The following THSD4 variants were observed in gnomAD, a reference collection of about 807,000 sequenced individuals.
THSD4 encodes the protein thrombospondin type-1 domain-containing protein 4.
Under a neutral mutation model 119.0 loss-of-function variants are expected in THSD4, and 69 were observed. The observed-to-expected ratio is 0.58, with a 90% CI of 0.48 to 0.71. The LOEUF is 0.71. Among genes scored for constraint, THSD4 ranks in the 30% least tolerant of loss-of-function variants. The probability of loss-of-function intolerance (pLI) is 0.00; values close to 1 mark genes in which losing one functional copy is unlikely to be tolerated. For synonymous variants in THSD4, 524 were observed against 540.4 expected (o/e 0.97, Z 0.42); for missense variants, 1,393 against 1,391.1 (o/e 1.00, Z -0.02).
intron 6 of THSD4, among the ~76,000 whole-genome samples, chr15:71,300,422 G>A (rs1055744185): frequency 4.6e-5 from 7 of 152,132 alleles, no homozygotes; most frequent in South Asian, 4.1e-4. Flanking sequence ...TTTTCTTAAC[G>A]TTCAGGGGCT....
rs569468839 is a variant in THSD4 at position 71,390,931 on chromosome 15, C to T, written c.1016-20756C>T. 2.2e-3 allele frequency among the ~76,000 whole-genome samples: 303 copies of T among 138,172 alleles called. 4 individuals carry two copies. Among genetic ancestry groups the T allele is most frequent in the African/African-American group, 7.7e-3 (282 of 36,514 alleles). 90.6% of individuals were successfully genotyped at this position (138,172 alleles called of 152,430 possible). A position where few individuals can be genotyped will look rare whatever the true frequency, so the allele number is the denominator to read the frequency against. On this transcript the variant is annotated intron_variant, in intron 6 of 17. Transcript: ENST00000261862. ...CTGGAGTGCAGTGACACGATCATAGCTCACTGCACCCTTGAACTCCTGATG... is the reference window on the plus strand; with the variant it reads ...CTGGAGTGCAGTGACACGATCATAGTTCACTGCACCCTTGAACTCCTGATG...
At chr15:71,268,464 C>T (rs1335790780) in intron 6 of THSD4, among the ~76,000 whole-genome samples, 1 of 152,010 alleles carries the variant, frequency 6.6e-6, no homozygotes, top group Admixed American at 6.6e-5. Flanking sequence ...GCAGTGTTGA[C>T]AGGGAAATTT....
intron 6 of THSD4, among the ~76,000 whole-genome samples, chr15:71,337,608 C>T (rs961221136): frequency 3.9e-5 from 6 of 152,166 alleles, no homozygotes; most frequent in African/African-American, 1.2e-4. Flanking sequence ...CATTCTGGCC[C>T]GCAGGTCATT....
intron 8 of THSD4, among the ~76,000 whole-genome samples, chr15:71,663,957 T>G (rs945554913): frequency 1.3e-5 from 2 of 152,136 alleles, no homozygotes; most frequent in African/African-American, 4.8e-5. Flanking sequence ...ATACTTCACA[T>G]TTGTATCATT....
intron 7 of THSD4, among the ~76,000 whole-genome samples, chr15:71,595,548 G>A (rs2049892315): frequency 6.6e-6 from 1 of 152,072 alleles, no homozygotes; most frequent in African/African-American, 2.4e-5. Context: ...ACCTCTTTTT[G>A]TTCCCAGTTT....
intron 7 of THSD4, among the ~76,000 whole-genome samples, chr15:71,611,788 G>C (rs1595786651): frequency 2.6e-5 from 4 of 152,334 alleles, no homozygotes; most frequent in African/African-American, 9.6e-5. Flanking sequence ...CTACAGCATG[G>C]GTGAAAGCCC....
chr15:71,775,703 T>C (rs1389990662), intron 17 of THSD4, among the ~76,000 whole-genome samples: 1 of 151,912 alleles, frequency 6.6e-6, no homozygotes, highest in East Asian at 1.9e-4. Context: ...ACAGCGAGAC[T>C]CCGTCTCAAA....
chr15:71,293,086 A>G (rs1455739056), intron 6 of THSD4, among the ~76,000 whole-genome samples: 1 of 152,238 alleles, frequency 6.6e-6, no homozygotes, highest in Admixed American at 6.5e-5. Context: ...GGCTTTCCCC[A>G]GATGGCTGTC....
chr15:71,670,140 G>C (rs755132406), intron 8 of THSD4, among the ~76,000 whole-genome samples: 3 of 151,930 alleles, frequency 2.0e-5, no homozygotes, highest in Non-Finnish European at 4.4e-5. Flanking sequence ...GTGCAGGTTT[G>C]TTACATATGT....
chr15:71,775,809 A>G (rs1414647878), intron 17 of THSD4, among the ~76,000 whole-genome samples: 1 of 152,228 alleles, frequency 6.6e-6, no homozygotes, highest in Non-Finnish European at 1.5e-5. Context: ...ATGATTAACC[A>G]TGTTGAGGGA....
chr15:71,702,839 T>C (rs1442991683), intron 8 of THSD4, among the ~76,000 whole-genome samples: 1 of 152,188 alleles, frequency 6.6e-6, no homozygotes, highest in Admixed American at 6.5e-5. Context: ...TTCAGCAACC[T>C]GTTTCCCTCA....
At chr15:71,488,709 C>G (rs1189434760) in intron 7 of THSD4, among the ~76,000 whole-genome samples, 1 of 151,934 alleles carries the variant, frequency 6.6e-6, no homozygotes, top group Non-Finnish European at 1.5e-5. Context: ...GCTAAATAGT[C>G]TTTTATGATT....
At chr15:71,199,726 T>TCTGGGTGTGTGG (rs2043769389) in intron 3 of THSD4, among the ~76,000 whole-genome samples, 1 of 20,566 alleles carries the variant, frequency 4.9e-5, no homozygotes, top group African/African-American at 2.8e-4. Context: ...TGTGTGTGTG[T>TCTGGGTGTGTGG]AGTGTGTGTG....
chr15:71,446,329 A>G (rs1009658169), intron 7 of THSD4, among the ~76,000 whole-genome samples: 1 of 152,224 alleles, frequency 6.6e-6, no homozygotes, highest in South Asian at 2.1e-4. Flanking sequence ...CCTTTCTTAT[A>G]CAGAATTGCC....
Position 71,410,685 on chromosome 15 carries a change from C to T in THSD4, c.1016-1002C>T, listed in dbSNP as rs550314901. Among the ~76,000 whole-genome samples the T allele has an allele frequency of 2.0e-5, 3 of 152,190 alleles. No homozygotes were observed. The South Asian group carries it at 6.2e-4, about 32-fold the overall frequency. The stretch of plus-strand genomic sequence containing the variant: ...ATGGAGGAATTATTACAGGAAGCTG[C>T]GGCCATTTAAAAAGGCATACAGATG... On this transcript the variant is annotated intron_variant, in intron 6 of 17. Transcript: ENST00000261862.
intron 3 of THSD4, chr15:71,186,495 A>G (rs963090862): frequency 1.3e-5 from 2 of 152,242 alleles, no homozygotes; most frequent in Non-Finnish European, 2.9e-5. Context: ...TGACGAATTC[A>G]ACCTTGAAGT....
At chr15:71,288,430 C>T (rs987176288) in intron 6 of THSD4, among the ~76,000 whole-genome samples, 1 of 152,196 alleles carries the variant, frequency 6.6e-6, no homozygotes, top group African/African-American at 2.4e-5. Flanking sequence ...GATTAACTCT[C>T]TCATTGTACA....
chr15:71,226,165 C>T (rs142709993), intron 4 of THSD4, among the ~76,000 whole-genome samples: 373 of 152,252 alleles, frequency 2.4e-3, no homozygotes, highest in African/African-American at 8.2e-3. Flanking sequence ...ATTATATGTC[C>T]TCTGCCTACC....
chr15:71,310,572 C>T (rs1288696784), intron 6 of THSD4, among the ~76,000 whole-genome samples: 9 of 152,162 alleles, frequency 5.9e-5, no homozygotes, highest in African/African-American at 2.2e-4. Flanking sequence ...TCAGCAGGGC[C>T]TGCCTATCTA....
Sources: gnomAD v4.1 joint callset for allele counts (sites outside exome capture counted in the v4.1 genomes callset) on GRCh38, gnomAD v4.1.1 for gene constraint, MANE v1.5 for transcripts, NCBI Gene and HGNC (gene_info 2026-07-23, HGNC 2026-07-21) for gene names.